The following MAP3K21 variants were observed in gnomAD, a reference collection of about 807,000 sequenced individuals.
MAP3K21 encodes mitogen-activated protein kinase kinase kinase MLK4.
Under a neutral mutation model 86.1 loss-of-function variants are expected in MAP3K21, and 63 were observed. That is an observed-to-expected ratio of 0.73 (90% CI 0.60 to 0.90). The LOEUF (loss-of-function observed/expected upper bound fraction) is 0.90. Among genes scored for constraint, MAP3K21 ranks in the 40% least tolerant of loss-of-function variants. MAP3K21 has a pLI of 0.00. For missense variants in MAP3K21, 1,220 were observed against 1,367.7 expected (o/e 0.89, Z 1.70); for synonymous variants, 558 against 564.8 (o/e 0.99, Z 0.17).
chr1:233,346,778 C>T (rs1238780785), intron 2 of MAP3K21, among the ~76,000 whole-genome samples, 156 bp downstream of exon 2: 1 of 152,130 alleles, frequency 6.6e-6, no homozygotes, highest in Non-Finnish European at 1.5e-5. Context: ...GACAACGGAA[C>T]AGATAATTTG....
At chr1:233,337,620 G>C (rs183383371) in intron 1 of MAP3K21, among the ~76,000 whole-genome samples, 18 of 152,180 alleles carry the variant, frequency 1.2e-4, no homozygotes, top group African/African-American at 4.1e-4. Flanking sequence ...TTTTAATTTG[G>C]CTAACTTGGG....
intron 6 of MAP3K21, chr1:233,373,396 C>T (rs944643400): frequency 6.6e-6 from 1 of 152,222 alleles, no homozygotes; most frequent in Non-Finnish European, 1.5e-5. Flanking sequence ...GGAAGTGGTA[C>T]TGGGAAGGCC....
At position 233,345,653 on chromosome 1, in the gene MAP3K21, G is replaced by A. The variant is rs969042212; in HGVS notation, c.806-789G>A. ...TGTAAATGACGAGTTAATGGGTGCA[G>A]CAAACCAACATGGCACATGTATACC... On this transcript the variant is annotated intron_variant, in intron 1 of 9. Coordinates refer to ENST00000366624, the MANE Select transcript of MAP3K21 (RefSeq NM_032435.3). 2.0e-4 allele frequency among the ~76,000 whole-genome samples: 30 copies of A among 151,912 alleles called. 1 individual carries two copies. The highest frequency in any genetic ancestry group is 6.8e-4 in the African/African-American group (28 of 41,334).
rs535819367 is a variant in MAP3K21, at chr1:233,376,571, G to A, written c.1924+44G>A. 3.7e-6 allele frequency: 5 copies of A among 1,357,938 alleles called. No individual in the cohort carries two copies. In the African/African-American group the frequency reaches 5.8e-5, roughly 16 times the overall value. 84.1% of individuals were successfully genotyped at this position (1,357,938 alleles called of 1,614,324 possible). ...GTAGGATTTGCTTGAGCAGTCCTTGGCATCTGATTGTGCTGAAGCTTTGCT... is the reference window on the plus strand; with the variant it reads ...GTAGGATTTGCTTGAGCAGTCCTTGACATCTGATTGTGCTGAAGCTTTGCT... On this transcript the variant is annotated intron_variant, in intron 8 of 9. Transcript: ENST00000366624.
In MAP3K21 at chr1:233,339,298, T is replaced by TCCC. The variant is rs1662982069; in HGVS notation, c.806-7144_806-7143insCCC. Among the ~76,000 whole-genome samples the TCCC allele has an allele frequency of 3.5e-5, 5 of 141,650 alleles. 1 individual carries two copies. Among genetic ancestry groups the TCCC allele is most frequent in the Non-Finnish European group, 7.7e-5 (5 of 65,132 alleles). 92.9% of individuals were successfully genotyped at this position (141,650 alleles called of 152,430 possible). On this transcript the variant is annotated intron_variant, in intron 1 of 9. Transcript: ENST00000366624. ...CTTCTTCTTCTTCTTCTTCCTCTTC[T>TCCC]TCTTCCTCTTCTTCTTCCTCTTCTT...
chr1:233,345,661 A>G (rs1444267006), intron 1 of MAP3K21, among the ~76,000 whole-genome samples: 1 of 151,990 alleles, frequency 6.6e-6, no homozygotes, highest in Non-Finnish European at 1.5e-5. Flanking sequence ...CAGCAAACCA[A>G]CATGGCACAT....
intron 4 of MAP3K21, among the ~76,000 whole-genome samples, chr1:233,360,738 G>A (rs143186470): frequency 6.6e-6 from 1 of 152,180 alleles, no homozygotes; most frequent in Admixed American, 6.6e-5. Context: ...CCAAGTATTA[G>A]TAGATTTGAA....
intron 4 of MAP3K21, among the ~76,000 whole-genome samples, chr1:233,356,872 C>T (rs1456456159): frequency 6.6e-6 from 1 of 152,146 alleles, no homozygotes; most frequent in East Asian, 1.9e-4. Context: ...GTTAAGTTCC[C>T]ACGACATATT....
chr1:233,357,677 G>C (rs9970502), intron 4 of MAP3K21, among the ~76,000 whole-genome samples: 8,774 of 152,212 alleles, frequency 0.058, 843 homozygotes, highest in African/African-American at 0.2. Flanking sequence ...GGGAGAGGAT[G>C]GGGGAGCCTG....
At chr1:233,335,900 C>T (rs1662902986) in intron 1 of MAP3K21, among the ~76,000 whole-genome samples, 1 of 152,184 alleles carries the variant, frequency 6.6e-6, no homozygotes, top group Admixed American at 6.5e-5. Flanking sequence ...GTAGAGTTCA[C>T]TTTAATGCCA....
chr1:233,340,597 A>C lies in MAP3K21; in HGVS notation c.806-5845A>C, dbSNP rs1663023606. Among the ~76,000 whole-genome samples the C allele has an allele frequency of 2.0e-5, 3 of 151,844 alleles. No individual in the cohort carries two copies. The South Asian group carries it at 6.3e-4, about 32-fold the overall frequency. ...ATGTGTCCGGGGTGGGAGTCAGGGG[A>C]AGGGGGAGGCAGATGGTGCTAGGGG... On this transcript the variant is annotated intron_variant, in intron 1 of 9. Coordinates refer to ENST00000366624, the MANE Select transcript of MAP3K21 (RefSeq NM_032435.3).
At chr1:233,343,281 A>C (rs893977660) in intron 1 of MAP3K21, among the ~76,000 whole-genome samples, 1 of 152,228 alleles carries the variant, frequency 6.6e-6, no homozygotes, top group African/African-American at 2.4e-5. Context: ...CAAACCCATT[A>C]ATAAAAGTGT....
intron 1 of MAP3K21, among the ~76,000 whole-genome samples, chr1:233,338,353 G>C (rs1022013812): frequency 6.6e-6 from 1 of 152,116 alleles, no homozygotes; most frequent in African/African-American, 2.4e-5. Context: ...CTAGGCGCTT[G>C]GTATTGTGTA....
chr1:233,336,726 A>G (rs912225473), intron 1 of MAP3K21, among the ~76,000 whole-genome samples: 1 of 152,130 alleles, frequency 6.6e-6, no homozygotes, highest in African/African-American at 2.4e-5. Context: ...GGAAACAATA[A>G]TTTTTCTTTG....
intron 5 of MAP3K21, among the ~76,000 whole-genome samples, chr1:233,363,208 G>A (rs891561746): frequency 2.6e-5 from 4 of 152,074 alleles, no homozygotes; most frequent in East Asian, 1.9e-4. Flanking sequence ...TAGAGTGCTC[G>A]GACGGATTCT....
chr1:233,353,507 T>G (rs1480147808), intron 2 of MAP3K21, among the ~76,000 whole-genome samples: 1 of 152,144 alleles, frequency 6.6e-6, no homozygotes, highest in African/African-American at 2.4e-5. Flanking sequence ...TGTGACCTGG[T>G]TCTGGACCCT....
chr1:233,371,759 G>C (rs1458334281), intron 5 of MAP3K21, among the ~76,000 whole-genome samples: 1 of 147,088 alleles, frequency 6.8e-6, no homozygotes, highest in African/African-American at 2.5e-5. Context: ...TTGTGTGTGT[G>C]TGTGTGTGTG....
intron 5 of MAP3K21, among the ~76,000 whole-genome samples, chr1:233,371,749 T>TTGTGTGTGTGTGTGTGTGTG (rs71574858): frequency 1.3e-4 from 19 of 147,776 alleles, no homozygotes; most frequent in African/African-American, 4.8e-4. Flanking sequence ...ATATTTTCCT[T>TTGTGTGTGTGTGTGTGTGTG]TGTGTGTGTG....
intron 1 of MAP3K21, among the ~76,000 whole-genome samples, chr1:233,329,711 C>G (rs1572235523): frequency 6.6e-6 from 1 of 151,988 alleles, no homozygotes; most frequent in Non-Finnish European, 1.5e-5. Flanking sequence ...TCAATGGCTT[C>G]TTTTCTCCAG....
Sources: allele counts gnomAD v4.1 joint callset (sites outside exome capture counted in the v4.1 genomes callset), GRCh38; gene constraint gnomAD v4.1.1; transcripts MANE v1.5; gene names NCBI Gene and HGNC (gene_info 2026-07-23, HGNC 2026-07-21).